Variants in C12orf42 observed in about 807,000 individuals in gnomAD.
C12orf42 encodes uncharacterized protein C12orf42.
C12orf42 carries 25 observed loss-of-function variants against 21.6 expected under a neutral mutation model. That is an observed-to-expected ratio of 1.16 (90% CI 0.84 to 1.62). C12orf42 has a LOEUF of 1.62. Among genes scored for constraint, C12orf42 ranks in the 40% most tolerant of loss-of-function variants. The probability of loss-of-function intolerance (pLI) is 0.00; values close to 1 mark genes in which losing one functional copy is unlikely to be tolerated. For synonymous variants in C12orf42, 174 were observed against 175.0 expected, an observed-to-expected ratio of 0.99 and a Z score of 0.05; for missense variants, 483 against 459.3, an observed-to-expected ratio of 1.05 and a Z score of -0.47.
intron 2 of C12orf42, among the ~76,000 whole-genome samples, chr12:103,470,452 G>A (rs78290024): frequency 0.01 from 1,561 of 152,280 alleles, 33 homozygotes; most frequent in African/African-American, 0.036. Context: ...CATTCATGGT[G>A]AGAACATGAA....
chr12:103,499,832 C>T (rs1329792719), upstream of C12orf42, among the ~76,000 whole-genome samples: 2 of 152,100 alleles, frequency 1.3e-5, no homozygotes, highest in African/African-American at 2.4e-5. Context: ...CTTTATCAGA[C>T]ATAAGAATGT....
chr12:103,549,108 G>A, the C12orf42 span: 1 of 152,290 alleles, frequency 6.6e-6, no homozygotes, highest in African/African-American at 2.4e-5. Context: ...GACTTTATGA[G>A]CTTCTAAACC....
chr12:103,561,309 T>C, the C12orf42 span, among the ~76,000 whole-genome samples: 14 of 152,160 alleles, frequency 9.2e-5, no homozygotes, highest in African/African-American at 3.4e-4. Flanking sequence ...TTTGCCTTAG[T>C]TTGGGTTGCC....
the C12orf42 span, among the ~76,000 whole-genome samples, chr12:103,054,825 T>C: frequency 6.6e-6 from 1 of 151,946 alleles, no homozygotes; most frequent in Non-Finnish European, 1.5e-5. Flanking sequence ...ACACGATTGA[T>C]ATGACCATGT....
At chr12:103,072,581 T>C in the C12orf42 span, among the ~76,000 whole-genome samples, 1 of 152,118 alleles carries the variant, frequency 6.6e-6, no homozygotes, top group African/African-American at 2.4e-5. Flanking sequence ...GTCCCTCCCA[T>C]ATCTAAGCTA....
intron 2 of C12orf42, among the ~76,000 whole-genome samples, chr12:103,470,261 T>C (rs1283758277): frequency 2.6e-5 from 4 of 152,220 alleles, no homozygotes; most frequent in Non-Finnish European, 5.9e-5. Flanking sequence ...GGTCCTGACA[T>C]CTGGCAGCTT....
the C12orf42 span, among the ~76,000 whole-genome samples, chr12:103,180,029 G>A: frequency 6.6e-6 from 1 of 151,988 alleles, no homozygotes; most frequent in Non-Finnish European, 1.5e-5. Context: ...GGTGCCTCCT[G>A]GGACAGTGGG....
intron 10 of C12orf42, among the ~76,000 whole-genome samples, chr12:103,261,952 C>A (rs1317754078): frequency 6.6e-6 from 1 of 152,114 alleles, no homozygotes; most frequent in Non-Finnish European, 1.5e-5. Context: ...CTGGTTGGTG[C>A]AGAAGGGAAT....
chr12:103,211,144 G>A, the C12orf42 span, among the ~76,000 whole-genome samples: 2 of 151,960 alleles, frequency 1.3e-5, no homozygotes, highest in African/African-American at 4.8e-5. Context: ...TTGCTTTTTT[G>A]GAGCATATCC....
At chr12:103,135,318 C>T in the C12orf42 span, among the ~76,000 whole-genome samples, 2 of 151,958 alleles carry the variant, frequency 1.3e-5, no homozygotes, top group African/African-American at 2.4e-5. Flanking sequence ...ATTAGCCGGG[C>T]ATGGTGGCAG....
At position 103,302,004 on chromosome 12, in the gene C12orf42, C is replaced by G; in HGVS notation, c.*104G>C. The G allele has an allele frequency of 7.8e-7, 1 of 1,281,834 alleles. No homozygotes were observed. Among genetic ancestry groups the G allele is most frequent in the Non-Finnish European group, 1.1e-6 (1 of 924,984 alleles). The allele number at this position is 1,281,834 out of a possible 1,614,324, so 79.4% of individuals were successfully genotyped here. ...TCAAAAATGCTTCACAAAAGCCTAA[C>G]AATGGTTCTGTGGAAACCAGTACAT... On this transcript the variant is annotated 3_prime_UTR_variant, in exon 6 of 6. Transcript: ENST00000548883.
chr12:103,544,623 T>C, the C12orf42 span, among the ~76,000 whole-genome samples: 1 of 152,236 alleles, frequency 6.6e-6, no homozygotes, highest in Non-Finnish European at 1.5e-5. Flanking sequence ...TCTCTTCTTC[T>C]ACAATACCAA....
At chr12:103,400,831 G>A (rs757939073) in intron 3 of C12orf42, among the ~76,000 whole-genome samples, 2 of 152,156 alleles carry the variant, frequency 1.3e-5, no homozygotes, top group African/African-American at 2.4e-5. Context: ...ATGTGCTTGG[G>A]ATGTTGTGAT....
chr12:103,057,608 G>A, the C12orf42 span, among the ~76,000 whole-genome samples: 1 of 151,958 alleles, frequency 6.6e-6, no homozygotes, highest in Non-Finnish European at 1.5e-5. Context: ...TCATTGATGG[G>A]CATTTGGGTT....
chr12:103,443,873 G>A (rs1487756415), intron 2 of C12orf42, among the ~76,000 whole-genome samples: 2 of 152,010 alleles, frequency 1.3e-5, no homozygotes, highest in Admixed American at 1.3e-4. Flanking sequence ...CAAATTGGAT[G>A]GGTGACACTA....
chr12:103,243,782 G>A (rs1049652914), intron 10 of C12orf42, among the ~76,000 whole-genome samples: 9 of 152,106 alleles, frequency 5.9e-5, no homozygotes, highest in African/African-American at 1.9e-4. Flanking sequence ...GGTCACTTGT[G>A]TTTTGTCAGA....
downstream of C12orf42, among the ~76,000 whole-genome samples, chr12:103,264,099 CT>C (rs556953890): frequency 2.1e-3 from 319 of 151,032 alleles, 3 homozygotes; most frequent in African/African-American, 7.5e-3. Context: ...CACATCCTAT[CT>C]TGGACATATA....
chr12:103,348,959 A>G (rs1240607310), intron 4 of C12orf42, among the ~76,000 whole-genome samples: 1 of 152,178 alleles, frequency 6.6e-6, no homozygotes, highest in Non-Finnish European at 1.5e-5. Context: ...GCAAATAGAA[A>G]TCATGTTCTT....
chr12:103,295,832 A>G (rs1016359773), intron 4 of C12orf42, among the ~76,000 whole-genome samples: 5 of 152,172 alleles, frequency 3.3e-5, no homozygotes, highest in African/African-American at 1.2e-4. Context: ...TATCCTTTGC[A>G]GTAAAAAAAA....
Sources: gnomAD v4.1 joint callset for allele counts (sites outside exome capture counted in the v4.1 genomes callset) on GRCh38, gnomAD v4.1.1 for gene constraint, MANE v1.5 for transcripts, NCBI Gene and HGNC (gene_info 2026-07-23, HGNC 2026-07-21) for gene names.